The following CLSTN3 variants were observed in gnomAD, a reference collection of about 807,000 sequenced individuals.
The protein encoded by CLSTN3 is calsyntenin-3.
In CLSTN3, 36 loss-of-function variants were observed where a neutral mutation model predicts 95.9. The observed-to-expected ratio is 0.38, with a 90% CI of 0.29 to 0.50. CLSTN3 has a LOEUF of 0.50. CLSTN3 is among the 20% of genes least tolerant of loss of function. The pLI, the probability that CLSTN3 is intolerant of heterozygous loss-of-function variation, is 0.95. For missense variants in CLSTN3, 1,084 were observed against 1,268.8 expected (o/e 0.85, Z 2.21); for synonymous variants, 481 against 504.0 (o/e 0.95, Z 0.61).
chr12:7,148,833 AC>A, intron 12 of CLSTN3, 138 bp from the exon 13 acceptor site: 1 of 696,018 alleles, frequency 1.4e-6, no homozygotes, highest in Non-Finnish European at 2.4e-6. Context: ...CAGAGGCATG[AC>A]CCCCTTTCTT....
Position 7,137,839 on chromosome 12 carries a change from A to C in CLSTN3, c.1211-116A>C. The C allele has an allele frequency of 1.5e-6, 1 of 687,488 alleles. No homozygotes were observed. The highest frequency in any genetic ancestry group is 2.6e-4 in the Middle Eastern group (1 of 3,884). 42.6% of individuals were successfully genotyped at this position (687,488 alleles called of 1,614,324 possible). ...GAGAGAGAGGAAAGAAAAATGCTAG[A>C]GAACGAGGGAATGAGAGAGGATTAA... On this transcript the variant is annotated intron_variant, in intron 7 of 17. Coordinates refer to ENST00000266546, the MANE Select transcript of CLSTN3 (RefSeq NM_014718.4). This position sits in a 1 kb window ranked among gnomAD's most constrained non-coding sequence, Gnocchi z 4.4.
intron 12 of CLSTN3, among the ~76,000 whole-genome samples, chr12:7,144,399 A>AT (rs1939587104): frequency 6.6e-6 from 1 of 152,234 alleles, no homozygotes; most frequent in South Asian, 2.1e-4. Flanking sequence ...AGTTAAGAGC[A>AT]TAGGGTCTAT....
rs1282932382 is a variant in CLSTN3 at position 7,157,928 on chromosome 12, T to C, written c.2731-13T>C. On this transcript the variant is annotated splice_polypyrimidine_tract_variant and intron_variant, in intron 17 of 17. Coordinates refer to ENST00000266546, the MANE Select transcript of CLSTN3 (RefSeq NM_014718.4). This position sits in a 1 kb window ranked among gnomAD's most constrained non-coding sequence, Gnocchi z 5.9. ...GCCATTGATCCCTTCTCCTCTCTGT[T>C]CCTGCCCTCCAGTCCTACCAGAATC... 6.5e-7 allele frequency: 1 copy of C among 1,550,198 alleles called. No homozygotes were observed. The highest frequency in any genetic ancestry group is 8.7e-7 in the Non-Finnish European group (1 of 1,146,878).
In CLSTN3 at chr12:7,133,082, C is replaced by T; in HGVS notation, c.123C>T (p.Asp41=). ...AEYQGIVMEN[D]NTVLLNPPLF... is the part of the protein sequence containing the mutation. ...ACCAGGGCATCGTCATGGAGAATGA[C>T]AACACGGTCCTACTGAATCCACCAC... Residue 41 remains aspartate, a synonymous_variant, in exon 2 of 18, where the codon GAC becomes GAT. Transcript: ENST00000266546. This position sits in a 1 kb window ranked among gnomAD's most constrained non-coding sequence, Gnocchi z 4.7. 2 of 1,614,068 alleles carry T rather than the reference C, an allele frequency of 1.2e-6. No individual in the cohort carries two copies. Among genetic ancestry groups the T allele is most frequent in the African/African-American group, 1.3e-5 (1 of 75,008 alleles).
chr12:7,143,450 A>T, intron 12 of CLSTN3, 139 bp downstream of exon 12: 2 of 900,846 alleles, frequency 2.2e-6, no homozygotes, highest in Non-Finnish European at 1.6e-6. Flanking sequence ...AATGGAGACA[A>T]TTGACCACTG....
upstream of CLSTN3, chr12:7,129,692 C>T: frequency 1.0e-6 from 1 of 985,512 alleles, no homozygotes; most frequent in Non-Finnish European, 1.2e-6. The surrounding 1 kb of genome is among the most constrained non-coding windows in gnomAD (Gnocchi z 5.5). Context: ...CCGCCCCCAG[C>T]TGCCCAATTC....
chr12:7,136,230 C>G lies in CLSTN3; in HGVS notation c.767C>G (p.Ala256Gly), dbSNP rs1254911064. The change falls in exon 6 of 18, where the codon GCA (alanine) becomes GGA (glycine). Residue 256 changes from alanine (A) to glycine (G), a missense_variant. Physicochemically the swap from Ala to Gly is moderately conservative, Grantham distance 60. Coordinates refer to ENST00000266546, the MANE Select transcript of CLSTN3 (RefSeq NM_014718.4). ...WQGWNKRIEY[A>G]PGAGSLALFP... Reference sequence around the variant, plus strand: ...GGCTGGAACAAAAGGATCGAATATGCACCAGGTGCTGGGAGCTTGGCTTTG... The same window carrying G: ...GGCTGGAACAAAAGGATCGAATATGGACCAGGTGCTGGGAGCTTGGCTTTG... The G allele has an allele frequency of 1.2e-6, 2 of 1,614,000 alleles. No individual in the cohort carries two copies. The highest frequency in any genetic ancestry group is 2.7e-5 in the African/African-American group (2 of 74,934).
intron 16 of CLSTN3, chr12:7,156,917 G>A: frequency 2.2e-6 from 1 of 446,310 alleles, no homozygotes. Flanking sequence ...GTCACGGAGT[G>A]AGCTCAGTCC....
Position 7,135,515 on chromosome 12 carries a change from C to T in CLSTN3, c.572C>T (p.Pro191Leu), listed in dbSNP as rs200143604. ...TATGAGATTCTCACACCCAACACCC[C>T]TTTCCTCATTGACAATGACGGTGAG... ...CYYEILTPNT[P>L]FLIDNDGNIE... The change falls in exon 4 of 18, where the codon CCT becomes CTT. Residue 191 changes from proline (P) to leucine (L), a missense_variant. Physicochemically the swap from Pro to Leu is moderately conservative, Grantham distance 98. Transcript: ENST00000266546. 2 of 1,614,136 alleles carry T rather than the reference C, an allele frequency of 1.2e-6. No homozygotes were observed. The highest frequency in any genetic ancestry group is 2.2e-5 in the East Asian group (1 of 44,874).
intron 8 of CLSTN3, among the ~76,000 whole-genome samples, chr12:7,140,975 AGT>A (rs892830416): frequency 2.0e-5 from 3 of 152,218 alleles, no homozygotes; most frequent in African/African-American, 7.2e-5. Context: ...TATTCATGAA[AGT>A]GTGTTACTCC....
chr12:7,143,166 C>T lies in CLSTN3; in HGVS notation c.1702C>T (p.His568Tyr). The part of the protein sequence containing the change: ...FESLGKGMKV[H>Y]VNPSQSLLTL... ...TGTATCTGTGTCTGGGGCCCAGGTCCACGTGAACCCCTCACAGTCCCTGCT... is the reference window on the plus strand; with the variant it reads ...TGTATCTGTGTCTGGGGCCCAGGTCTACGTGAACCCCTCACAGTCCCTGCT... Residue 568 changes from histidine (H) to tyrosine (Y), a missense_variant, in exon 12 of 18, where the codon CAC (histidine) becomes TAC (tyrosine). His to Tyr is a moderately conservative substitution (Grantham distance 83). Transcript: ENST00000266546. 1.2e-6 allele frequency: 2 copies of T among 1,613,020 alleles called. No homozygotes were observed. Among genetic ancestry groups the T allele is most frequent in the Non-Finnish European group, 1.7e-6 (2 of 1,179,348 alleles).
At position 7,135,532 on chromosome 12, in the gene CLSTN3, G is replaced by A. The variant is rs1939393990; in HGVS notation, c.589G>A (p.Asp197Asn). 1.9e-6 allele frequency: 3 copies of A among 1,613,894 alleles called. No individual in the cohort carries two copies. The highest frequency in any genetic ancestry group is 2.5e-6 in the Non-Finnish European group (3 of 1,179,976). ...CAACACCCCTTTCCTCATTGACAATGACGGTGAGTCCACCCCTGGCTTCCC... is the reference window on the plus strand; with the variant it reads ...CAACACCCCTTTCCTCATTGACAATAACGGTGAGTCCACCCCTGGCTTCCC... ...TPNTPFLIDN[D>N]GNIENTEKLQ... The change falls in exon 4 of 18, where the codon GAC becomes AAC. Residue 197 changes from aspartate (D) to asparagine (N), a missense_variant. Asp to Asn is a conservative substitution (Grantham distance 23). Coordinates refer to ENST00000266546, the MANE Select transcript of CLSTN3 (RefSeq NM_014718.4).
Position 7,133,516 on chromosome 12 carries a change from C to CTGAGGG in CLSTN3, c.188-54_188-49dup. The CTGAGGG allele has an allele frequency of 1.3e-6, 2 of 1,565,452 alleles. No individual in the cohort carries two copies. The highest frequency in any genetic ancestry group is 1.8e-6 in the Non-Finnish European group (2 of 1,139,162). ...TGGAGCTGGACCCCAGGTGGGGAGA[C>CTGAGGG]TGAGGGTGGGGAAGGAGACACAGCA... On this transcript the variant is annotated intron_variant, in intron 2 of 17. Transcript: ENST00000266546. This position sits in a 1 kb window ranked among gnomAD's most constrained non-coding sequence, Gnocchi z 4.7.
rs144204010 is a variant in CLSTN3, at chr12:7,143,228, T to C, written c.1764T>C (p.His588=). Residue 588 remains histidine, a synonymous_variant, in exon 12 of 18, where the codon CAT becomes CAC. Coordinates refer to ENST00000266546, the MANE Select transcript of CLSTN3 (RefSeq NM_014718.4). The stretch of plus-strand genomic sequence containing the variant: ...GGGATGATGTGGAGACCTTCAACCA[T>C]GCCCTGCAGCATGTGGCTTACATGA... ...LEGDDVETFN[H]ALQHVAYMNT... is the part of the protein sequence containing the mutation. 16 of 1,613,936 alleles carry C rather than the reference T, an allele frequency of 9.9e-6. No individual in the cohort carries two copies. In the African/African-American group the frequency reaches 1.9e-4, roughly 19 times the overall value.
At chr12:7,156,713 A>G (rs1473761061) in intron 16 of CLSTN3, 1 of 456,796 alleles carries the variant, frequency 2.2e-6, no homozygotes, top group South Asian at 1.5e-5. Context: ...GGTCCGTGTG[A>G]GAGTGAACGC....
chr12:7,147,674 C>T (rs2135810698), intron 12 of CLSTN3, among the ~76,000 whole-genome samples: 1 of 151,700 alleles, frequency 6.6e-6, no homozygotes, highest in South Asian at 2.1e-4. Context: ...ACCACCACAC[C>T]TGGATAATTT....
In CLSTN3 at chr12:7,133,285, G is replaced by T; in HGVS notation, c.187+139G>T. ...TAAAAGTGGGCTCAAGGAGGGGAAT[G>T]GTCTCCACTGAAGAATGGAGATTGA... On this transcript the variant is annotated intron_variant, in intron 2 of 17. Transcript: ENST00000266546. This position sits in a 1 kb window ranked among gnomAD's most constrained non-coding sequence, Gnocchi z 4.7. 9.1e-7 allele frequency: 1 copy of T among 1,095,822 alleles called. No homozygotes were observed. The highest frequency in any genetic ancestry group is 1.3e-6 in the Non-Finnish European group (1 of 763,032). 67.9% of individuals were successfully genotyped at this position (1,095,822 alleles called of 1,614,324 possible). A position where few individuals can be genotyped will look rare whatever the true frequency, so the allele number is the denominator to read the frequency against.
At chr12:7,155,136 G>A (rs1462577306) in intron 16 of CLSTN3, among the ~76,000 whole-genome samples, 1 of 152,178 alleles carries the variant, frequency 6.6e-6, no homozygotes, top group Non-Finnish European at 1.5e-5. Context: ...CATTTGCTAA[G>A]TCACCCCTTA....
intron 16 of CLSTN3, among the ~76,000 whole-genome samples, chr12:7,151,439 C>T (rs542514667): frequency 1.3e-5 from 2 of 152,302 alleles, no homozygotes; most frequent in South Asian, 4.1e-4. Context: ...TAAGCACCTA[C>T]TATGTACTAG....
Sources: allele counts gnomAD v4.1 joint callset (sites outside exome capture counted in the v4.1 genomes callset), GRCh38; gene constraint gnomAD v4.1.1; non-coding constraint Gnocchi (gnomAD v3.1); transcripts MANE v1.5; gene names NCBI Gene and HGNC (gene_info 2026-07-23, HGNC 2026-07-21).